The following SOX5 variants were observed in gnomAD, a reference collection of about 807,000 sequenced individuals.
SOX5 encodes transcription factor SOX-5.
A neutral mutation model predicts 92.0 loss-of-function variants in SOX5; 9 were observed. The observed-to-expected ratio is 0.10, with a 90% CI of 0.06 to 0.17. SOX5 has a LOEUF of 0.17. SOX5 is among the 10% of genes least tolerant of loss of function. The pLI is 1.00. For missense variants in SOX5, 642 were observed against 944.5 expected, an observed-to-expected ratio of 0.68 and a Z score of 4.20; for synonymous variants, 344 against 336.3, an observed-to-expected ratio of 1.02 and a Z score of -0.25.
intron 1 of SOX5, among the ~76,000 whole-genome samples, chr12:24,533,578 C>A (rs575148593): frequency 1.3e-5 from 2 of 152,024 alleles, no homozygotes; most frequent in Non-Finnish European, 2.9e-5. Context: ...AGGCATAAAA[C>A]AGCATAAAAC....
At chr12:24,511,119 C>A (rs1949265760) in intron 1 of SOX5, among the ~76,000 whole-genome samples, 1 of 152,170 alleles carries the variant, frequency 6.6e-6, no homozygotes, top group East Asian at 1.9e-4. Context: ...ATTACTATAA[C>A]TACTTTGTCA....
chr12:23,713,514 C>G (rs2140406302), intron 6 of SOX5, among the ~76,000 whole-genome samples: 1 of 152,116 alleles, frequency 6.6e-6, no homozygotes, highest in South Asian at 2.1e-4. Flanking sequence ...TAATCTACAT[C>G]ATTAATTCAG....
At chr12:23,880,672 A>C (rs914049241) in intron 2 of SOX5, among the ~76,000 whole-genome samples, 1 of 152,160 alleles carries the variant, frequency 6.6e-6, no homozygotes, top group African/African-American at 2.4e-5. Context: ...GGTTACCTCT[A>C]TATAAGGCAC....
chr12:24,366,839 C>A (rs778618054), intron 2 of SOX5, among the ~76,000 whole-genome samples: 1 of 151,768 alleles, frequency 6.6e-6, no homozygotes, highest in Non-Finnish European at 1.5e-5. Context: ...GGAATTTTGT[C>A]AGTTTTCCAG....
chr12:24,175,956 TTTCTC>T (rs1316246707), intron 4 of SOX5, among the ~76,000 whole-genome samples: 2 of 151,724 alleles, frequency 1.3e-5, no homozygotes, highest in Non-Finnish European at 2.9e-5. Flanking sequence ...AGTGGGCTAG[TTTCTC>T]TTCTCAAGGC....
At chr12:24,062,065 T>C (rs1045650862) in intron 4 of SOX5, among the ~76,000 whole-genome samples, 2 of 152,190 alleles carry the variant, frequency 1.3e-5, no homozygotes, top group African/African-American at 4.8e-5. Context: ...TCAAATGGTA[T>C]CATCATCTTT....
intron 4 of SOX5, among the ~76,000 whole-genome samples, chr12:24,021,740 CTT>C (rs1350391396): frequency 2.6e-5 from 4 of 152,128 alleles, no homozygotes; most frequent in Non-Finnish European, 5.9e-5. Flanking sequence ...ACGAAGTACG[CTT>C]TGTCAGAGAG....
chr12:24,144,883 A>C (rs1014295738), intron 4 of SOX5, among the ~76,000 whole-genome samples: 3 of 152,092 alleles, frequency 2.0e-5, no homozygotes, highest in African/African-American at 7.2e-5. Flanking sequence ...GAAATATACT[A>C]TTTGAAAGTT....
chr12:24,036,183 G>A (rs990262340), intron 4 of SOX5, among the ~76,000 whole-genome samples: 1 of 152,054 alleles, frequency 6.6e-6, no homozygotes, highest in Non-Finnish European at 1.5e-5. Flanking sequence ...AGAATGATGT[G>A]ACTTTCAGTA....
intron 3 of SOX5, among the ~76,000 whole-genome samples, chr12:24,238,443 C>T (rs1346065156): frequency 6.6e-6 from 1 of 152,166 alleles, no homozygotes; most frequent in Non-Finnish European, 1.5e-5. Context: ...CCTCAACCCC[C>T]CAGGCTCAGG....
chr12:24,326,653 G>A (rs1479999100), intron 2 of SOX5, among the ~76,000 whole-genome samples: 2 of 152,078 alleles, frequency 1.3e-5, no homozygotes, highest in African/African-American at 4.8e-5. Context: ...TCTCAGATAC[G>A]GGTATGACTC....
chr12:23,993,149 A>G (rs1023362660), intron 4 of SOX5, among the ~76,000 whole-genome samples: 1 of 152,188 alleles, frequency 6.6e-6, no homozygotes, highest in Non-Finnish European at 1.5e-5. Context: ...TCTATAGGCT[A>G]CAGATCTCAG....
intron 4 of SOX5, among the ~76,000 whole-genome samples, chr12:24,211,976 T>C (rs1298494710): frequency 6.6e-6 from 1 of 152,238 alleles, no homozygotes; most frequent in African/African-American, 2.4e-5. Flanking sequence ...TTCCATAATA[T>C]TTGCAAACTA....
intron 4 of SOX5, among the ~76,000 whole-genome samples, chr12:24,008,091 CAAGAGACT>C (rs977899078): frequency 1.3e-5 from 2 of 151,918 alleles, no homozygotes; most frequent in African/African-American, 4.8e-5. Context: ...ATATCTGAAA[CAAGAGACT>C]AAGATTGCTA....
chr12:24,290,831 C>A (rs1479758087), intron 2 of SOX5, among the ~76,000 whole-genome samples: 1 of 152,108 alleles, frequency 6.6e-6, no homozygotes, highest in Admixed American at 6.5e-5. Context: ...CAATAGCTTC[C>A]CAGACAAAAG....
At chr12:24,314,302 A>T (rs1949491728) in intron 2 of SOX5, among the ~76,000 whole-genome samples, 1 of 147,898 alleles carries the variant, frequency 6.8e-6, no homozygotes, top group Admixed American at 6.8e-5. Flanking sequence ...TTATGGCTGC[A>T]TAGTACTCCA....
intron 6 of SOX5, 85 bp downstream of exon 6, chr12:23,734,599 A>T: frequency 2.1e-6 from 2 of 953,352 alleles, no homozygotes; most frequent in Non-Finnish European, 1.6e-6. Context: ...TTTATTTTGG[A>T]GGTCATTTCA....
chr12:24,327,566 C>T (rs990176325), intron 2 of SOX5, among the ~76,000 whole-genome samples: 1 of 151,350 alleles, frequency 6.6e-6, no homozygotes, highest in Non-Finnish European at 1.5e-5. Context: ...CAGGCATGTG[C>T]CACCATGCCC....
At chr12:24,142,356 A>G (rs561249590) in intron 4 of SOX5, among the ~76,000 whole-genome samples, 1 of 152,294 alleles carries the variant, frequency 6.6e-6, no homozygotes, top group African/African-American at 2.4e-5. Context: ...TTTCAACACC[A>G]TGAAGGAAAG....
Sources: gnomAD v4.1 joint callset for allele counts (sites outside exome capture counted in the v4.1 genomes callset) on GRCh38, gnomAD v4.1.1 for gene constraint, MANE v1.5 for transcripts, NCBI Gene and HGNC (gene_info 2026-07-23, HGNC 2026-07-21) for gene names.